ODAD2: variants seen among roughly 807,000 people sequenced by gnomAD.
ODAD2 encodes outer dynein arm-docking complex subunit 2.
In ODAD2, 89 loss-of-function variants were observed where a neutral mutation model predicts 106.8. That is an observed-to-expected ratio of 0.83 (90% CI 0.70 to 0.99). The LOEUF is 0.99. ODAD2 is among the 50% of genes least tolerant of loss of function. ODAD2 has a pLI of 0.00. For synonymous variants in ODAD2, 404 were observed against 436.2 expected (o/e 0.93, Z 0.92); for missense variants, 1,168 against 1,238.5 (o/e 0.94, Z 0.85).
intron 7 of ODAD2, among the ~76,000 whole-genome samples, chr10:27,971,650 G>T (rs1848872764): frequency 6.6e-6 from 1 of 152,050 alleles, no homozygotes; most frequent in South Asian, 2.1e-4. Context: ...CAAAGATAAA[G>T]GGAACATCTT....
intron 2 of ODAD2, among the ~76,000 whole-genome samples, chr10:27,994,419 A>G (rs555108703): frequency 6.6e-6 from 1 of 152,260 alleles, no homozygotes; most frequent in East Asian, 1.9e-4. Flanking sequence ...CCATACATTT[A>G]TAGAAATAAA....
intron 19 of ODAD2, chr10:27,853,434 T>A (rs548603680): frequency 4.9e-6 from 1 of 204,090 alleles, no homozygotes; most frequent in Non-Finnish European, 9.7e-6. Context: ...TTATCCACTT[T>A]AAGTGAAAAG....
intron 19 of ODAD2, among the ~76,000 whole-genome samples, chr10:27,815,754 C>T (rs1288839763): frequency 1.3e-5 from 2 of 152,038 alleles, no homozygotes; most frequent in Non-Finnish European, 2.9e-5. Flanking sequence ...CATTCTGTTC[C>T]CCCTCCCTAG....
intron 9 of ODAD2, among the ~76,000 whole-genome samples, chr10:27,962,179 T>G (rs1416859322): frequency 6.6e-6 from 1 of 152,142 alleles, no homozygotes; most frequent in Non-Finnish European, 1.5e-5. Flanking sequence ...CAGTGAGAAA[T>G]AAACAAGGGT....
chr10:27,892,181 G>C (rs1402557550), intron 17 of ODAD2, among the ~76,000 whole-genome samples: 1 of 152,066 alleles, frequency 6.6e-6, no homozygotes, highest in Admixed American at 6.5e-5. Context: ...TCACTACAGA[G>C]GTCGAATCTT....
chr10:27,868,179 A>G (rs1840593135), intron 17 of ODAD2, among the ~76,000 whole-genome samples: 1 of 152,154 alleles, frequency 6.6e-6, no homozygotes. Flanking sequence ...GTCAAGAAAC[A>G]ACATGCTTGT....
Position 27,944,466 on chromosome 10 carries a change from G to T in ODAD2, c.1534-35C>A, listed in dbSNP as rs755590966. On this transcript the variant is annotated intron_variant, in intron 11 of 19. Transcript: ENST00000305242. ...AAAAAAAAAGATGAGTGGCGAATATGTAACCCGTGCTATGTTTTTAAAAAT... is the reference window on the plus strand; with the variant it reads ...AAAAAAAAAGATGAGTGGCGAATATTTAACCCGTGCTATGTTTTTAAAAAT... 1.0e-5 allele frequency: 16 copies of T among 1,563,210 alleles called. No homozygotes were observed. The Admixed American group carries it at 2.5e-4, about 25-fold the overall frequency.
intron 3 of ODAD2, among the ~76,000 whole-genome samples, chr10:27,985,557 G>A (rs1291811164): frequency 6.6e-6 from 1 of 152,098 alleles, no homozygotes; most frequent in Non-Finnish European, 1.5e-5. Context: ...ATTTGAAGAT[G>A]GAGAAATAGT....
At chr10:27,952,452 A>T (rs765175960) in intron 10 of ODAD2, among the ~76,000 whole-genome samples, 5 of 151,496 alleles carry the variant, frequency 3.3e-5, no homozygotes, top group Non-Finnish European at 7.4e-5. Context: ...GGTTTGTTAC[A>T]TAGGTAAACG....
intron 19 of ODAD2, among the ~76,000 whole-genome samples, chr10:27,852,074 C>A (rs1218290394): frequency 1.3e-5 from 2 of 152,040 alleles, no homozygotes; most frequent in African/African-American, 4.8e-5. Context: ...CTATACCCAG[C>A]AAAAATATTT....
Position 27,906,413 on chromosome 10 carries a change from G to A in ODAD2, c.2610+1250C>T, listed in dbSNP as rs1843592454. ...TAGGAATGCTTTTACACTGTTGGTG[G>A]GAGTGTAAATTAGTTCTACCATTGT... On this transcript the variant is annotated intron_variant, in intron 17 of 19. Transcript: ENST00000305242. 2.0e-5 allele frequency among the ~76,000 whole-genome samples: 3 copies of A among 152,282 alleles called. No homozygotes were observed. The South Asian group carries it at 6.2e-4, about 32-fold the overall frequency.
chr10:27,827,365 T>TAC (rs146630922), intron 19 of ODAD2, among the ~76,000 whole-genome samples: 1,391 of 116,020 alleles, frequency 0.012, 28 homozygotes, highest in African/African-American at 0.035. Context: ...GACACACACA[T>TAC]ACACACACAC....
Position 27,935,133 on chromosome 10 carries a change from A to C in ODAD2, c.2372T>G (p.Val791Gly), listed in dbSNP as rs1845877535. The change falls in exon 16 of 20, where the codon GTC becomes GGC. Residue 791 changes from valine to glycine, a missense_variant. Transcript: ENST00000305242. The part of the protein sequence containing the change: ...GECCQERENR[V>G]IVRKCGGIQP... Reference sequence around the variant, plus strand: ...AATGCCACCACATTTCCGGACAATGACTCGGTTTTCACGTTCTTGGCAGCA... The same window carrying C: ...AATGCCACCACATTTCCGGACAATGCCTCGGTTTTCACGTTCTTGGCAGCA... 1 of 1,613,764 alleles carries C rather than the reference A, an allele frequency of 6.2e-7. No homozygotes were observed. The highest frequency in any genetic ancestry group is 8.5e-7 in the Non-Finnish European group (1 of 1,179,914).
At chr10:27,972,903 G>A (rs1252691534) in intron 7 of ODAD2, among the ~76,000 whole-genome samples, 1 of 151,946 alleles carries the variant, frequency 6.6e-6, no homozygotes, top group East Asian at 1.9e-4. Flanking sequence ...CAGACAACTT[G>A]GCTTAATTGA....
chr10:27,855,973 T>G (rs1196690299), intron 19 of ODAD2, among the ~76,000 whole-genome samples: 1 of 152,248 alleles, frequency 6.6e-6, no homozygotes, highest in African/African-American at 2.4e-5. Context: ...TAGGTGCTCA[T>G]CAGTCTTCTA....
intron 6 of ODAD2, among the ~76,000 whole-genome samples, chr10:27,982,238 A>G (rs1036013754): frequency 1.3e-5 from 2 of 152,170 alleles, no homozygotes; most frequent in African/African-American, 4.8e-5. Context: ...TTTGTTATAT[A>G]TAACTGTATA....
At chr10:27,870,685 C>T (rs1406939729) in intron 17 of ODAD2, among the ~76,000 whole-genome samples, 1 of 152,166 alleles carries the variant, frequency 6.6e-6, no homozygotes, top group African/African-American at 2.4e-5. Context: ...GACATGAACT[C>T]ATCCTTTTTT....
At position 27,985,109 on chromosome 10, in the gene ODAD2, T is replaced by A; in HGVS notation, c.485A>T (p.Asp162Val). 1 of 1,604,056 alleles carries A rather than the reference T, an allele frequency of 6.2e-7. No homozygotes were observed. Among genetic ancestry groups the A allele is most frequent in the Non-Finnish European group, 8.5e-7 (1 of 1,175,108 alleles). The change falls in exon 4 of 20, where the codon GAT becomes GTT. Residue 162 changes from aspartate (D) to valine (V), a missense_variant. Asp to Val is a radical substitution (Grantham distance 152, BLOSUM62 -3). This residue lies in a region of ODAD2 where 430 missense variants were observed against 452.2 expected (regional missense o/e 0.95). Coordinates refer to ENST00000305242, the MANE Select transcript of ODAD2 (RefSeq NM_018076.5). ...CTTCATCTTAATTTCACTTTCAGGATCATCATCTCTGGTAATTTTGCCAAG... is the reference window on the plus strand; with the variant it reads ...CTTCATCTTAATTTCACTTTCAGGAACATCATCTCTGGTAATTTTGCCAAG... The part of the protein sequence containing the change: ...NILGKITRDD[D>V]PESEIKMKIA...
At chr10:27,926,290 C>A (rs957481209) in intron 16 of ODAD2, among the ~76,000 whole-genome samples, 3 of 151,800 alleles carry the variant, frequency 2.0e-5, no homozygotes, top group Non-Finnish European at 2.9e-5. Flanking sequence ...ATAAAAGGAA[C>A]TCAACCAATA....
Sources: gnomAD v4.1 joint callset for allele counts (sites outside exome capture counted in the v4.1 genomes callset) on GRCh38, gnomAD v4.1.1 for gene constraint, gnomAD v4.1.1 regional missense constraint, MANE v1.5 for transcripts, NCBI Gene and HGNC (gene_info 2026-07-23, HGNC 2026-07-21) for gene names.